Variants in GFM1 observed in about 807,000 individuals in gnomAD.
GFM1 encodes the protein elongation factor G, mitochondrial.
Under a neutral mutation model 96.2 loss-of-function variants are expected in GFM1, and 62 were observed. The ratio of observed to expected loss-of-function variants is 0.64; its 90% CI spans 0.53 to 0.80. GFM1 has a LOEUF of 0.80. Ranked by LOEUF, GFM1 falls within the 30% of genes least tolerant of loss-of-function variation. GFM1 has a pLI of 0.00. For missense variants in GFM1, 852 were observed against 916.6 expected, an observed-to-expected ratio of 0.93 and a Z score of 0.91; for synonymous variants, 282 against 312.9, an observed-to-expected ratio of 0.90 and a Z score of 1.04.
chr3:158,688,083 TGGA>T (rs1365940742), intron 15 of GFM1, among the ~76,000 whole-genome samples: 5 of 152,008 alleles, frequency 3.3e-5, no homozygotes, highest in African/African-American at 1.2e-4. Flanking sequence ...TTGTCAAAAT[TGGA>T]AGAACAATAG....
At chr3:158,660,059 T>A (rs1723074595) in intron 9 of GFM1, among the ~76,000 whole-genome samples, 1 of 152,168 alleles carries the variant, frequency 6.6e-6, no homozygotes, top group Admixed American at 6.5e-5. Flanking sequence ...TTAGATTTCC[T>A]GTGTTTTCTT....
At chr3:158,662,719 T>C in intron 11 of GFM1, 35 bp downstream of exon 11, 5 of 1,303,180 alleles carry the variant, frequency 3.8e-6, no homozygotes, top group Non-Finnish European at 5.6e-6. Context: ...TATATCACAA[T>C]TAAAACTTGA....
rs1415889192 is a variant in GFM1, at chr3:158,684,854, G to A, written c.1909+186G>A. On this transcript the variant is annotated intron_variant, in intron 15 of 17. Transcript: ENST00000486715. ...ATTATTATGTTCTCTTTCTTGCAAA[G>A]CTAAAAGACTACTGTATTCTCCTAC... 9.9e-6 allele frequency: 6 copies of A among 603,468 alleles called. No homozygotes were observed. In the East Asian group the frequency reaches 1.7e-4, roughly 17 times the overall value. 37.4% of individuals were successfully genotyped at this position (603,468 alleles called of 1,614,324 possible).
intron 17 of GFM1, 48 bp downstream of exon 17, chr3:158,691,240 T>TC (rs1191562720): frequency 6.2e-7 from 1 of 1,603,642 alleles, no homozygotes; most frequent in Non-Finnish European, 8.5e-7. Flanking sequence ...TACAGAATGA[T>TC]CATATTATAA....
intron 8 of GFM1, chr3:158,656,769 G>A (rs1172299939): frequency 6.6e-6 from 1 of 152,216 alleles, no homozygotes; most frequent in African/African-American, 2.4e-5. Context: ...TGAACTTTGA[G>A]TTATAACTAT....
chr3:158,678,619 CCTT>C (rs755122592), intron 13 of GFM1, among the ~76,000 whole-genome samples: 27 of 152,266 alleles, frequency 1.8e-4, no homozygotes, highest in Non-Finnish European at 3.8e-4. Flanking sequence ...ATGAGGAGAT[CCTT>C]CTTCTATGGA....
At chr3:158,661,283 C>T (rs1723177073) in intron 10 of GFM1, among the ~76,000 whole-genome samples, 2 of 152,164 alleles carry the variant, frequency 1.3e-5, no homozygotes, top group African/African-American at 2.4e-5. Flanking sequence ...GGCTCTGATT[C>T]CTCCACCCTG....
chr3:158,666,635 A>T (rs767380878), intron 13 of GFM1: 1 of 1,606,822 alleles, frequency 6.2e-7, no homozygotes, highest in Non-Finnish European at 8.5e-7. Flanking sequence ...TTCCAGTGTT[A>T]GGGTTTTTGT....
intron 13 of GFM1, chr3:158,669,164 A>G (rs1214162399): frequency 6.4e-7 from 1 of 1,572,194 alleles, no homozygotes; most frequent in Admixed American, 1.8e-5. Flanking sequence ...TGATAATCAT[A>G]TATATAGTAT....
At chr3:158,673,658 C>A (rs1724596877) in intron 13 of GFM1, among the ~76,000 whole-genome samples, 1 of 151,528 alleles carries the variant, frequency 6.6e-6, no homozygotes, top group African/African-American at 2.4e-5. Context: ...ATTACAGGTG[C>A]CCACCACAAT....
chr3:158,691,439 C>T lies in GFM1; in HGVS notation c.2228C>T (p.Pro743Leu), dbSNP rs1251671711. 3.3e-5 allele frequency: 54 copies of T among 1,613,644 alleles called. No homozygotes were observed. Among genetic ancestry groups the T allele is most frequent in the Non-Finnish European group, 4.5e-5 (53 of 1,179,816 alleles). ...TATTTGGAAGCTACAGGTCAACTTC[C>T]TGTTAAAAAAGGAAAAGCCAAGAAC... The part of the protein sequence containing the change: ...NKYLEATGQL[P>L]VKKGKAKN Residue 743 changes from proline (P) to leucine (L), a missense_variant, in exon 18 of 18, where the codon CCT becomes CTT. Transcript: ENST00000486715.
intron 8 of GFM1, chr3:158,655,761 T>C (rs73028934): frequency 0.16 from 73,384 of 444,972 alleles, 6,613 homozygotes; most frequent in African/African-American, 0.23. Context: ...AATACTGATA[T>C]ATTATTATTA....
chr3:158,685,765 A>G (rs1725784733), intron 15 of GFM1, among the ~76,000 whole-genome samples: 1 of 152,248 alleles, frequency 6.6e-6, no homozygotes, highest in Non-Finnish European at 1.5e-5. Flanking sequence ...AATAGGAAAC[A>G]GGTAAGTAAA....
At position 158,691,288 on chromosome 3, in the gene GFM1, A is replaced by G. The variant is rs1056355615; in HGVS notation, c.2125-48A>G. 2.6e-5 allele frequency: 41 copies of G among 1,598,832 alleles called. No individual in the cohort carries two copies. In the East Asian group the frequency reaches 9.2e-4, roughly 36 times the overall value. ...GTATGACTTTTACTTGATAGTTTAAAAAACAAACAAACAAACAAAAAACCC... is the reference window on the plus strand; with the variant it reads ...GTATGACTTTTACTTGATAGTTTAAGAAACAAACAAACAAACAAAAAACCC... On this transcript the variant is annotated intron_variant, in intron 17 of 17. Transcript: ENST00000486715.
rs764933537 is a variant in GFM1 at position 158,691,376 on chromosome 3, C to T, written c.2165C>T (p.Pro722Leu). Residue 722 changes from proline (P) to leucine (L), a missense_variant, in exon 18 of 18, where the codon CCA becomes CTA. By Grantham distance (98) the Pro-to-Leu change is moderately conservative. Transcript: ENST00000486715. ...EYTMEYSRYQ[P>L]CLPSTQEDVI... ...ACAATGGAGTATAGCAGGTATCAGCCATGTTTACCATCCACACAAGAAGAC... is the reference window on the plus strand; with the variant it reads ...ACAATGGAGTATAGCAGGTATCAGCTATGTTTACCATCCACACAAGAAGAC... 41 of 1,613,474 alleles carry T rather than the reference C, an allele frequency of 2.5e-5. No homozygotes were observed. The highest frequency in any genetic ancestry group is 3.2e-5 in the Non-Finnish European group (38 of 1,179,710).
In GFM1 at chr3:158,691,657, A is replaced by G. The variant is rs564624294; in HGVS notation, c.*190A>G. Reference sequence around the variant, plus strand: ...TTCTGTTATATTCAAAGGTAATTCTATGTCTATCTCAACTCTATTGATTGG... The same window carrying G: ...TTCTGTTATATTCAAAGGTAATTCTGTGTCTATCTCAACTCTATTGATTGG... On this transcript the variant is annotated 3_prime_UTR_variant, in exon 18 of 18. Coordinates refer to ENST00000486715, the MANE Select transcript of GFM1 (RefSeq NM_024996.7). 1.1e-5 allele frequency: 6 copies of G among 551,932 alleles called. No homozygotes were observed. Among genetic ancestry groups the G allele is most frequent in the South Asian group, 4.0e-5 (2 of 50,160 alleles). The allele number at this position is 551,932 out of a possible 1,614,324, so 34.2% of individuals were successfully genotyped here.
intron 13 of GFM1, chr3:158,666,599 A>G (rs1339302937): frequency 3.3e-6 from 5 of 1,522,248 alleles, no homozygotes; most frequent in Admixed American, 1.7e-5. Context: ...TGAAATTGGC[A>G]TACACATCAA....
intron 13 of GFM1, among the ~76,000 whole-genome samples, chr3:158,675,888 GAATT>G (rs374429157): frequency 2.4e-3 from 368 of 152,276 alleles, no homozygotes; most frequent in African/African-American, 8.6e-3. Flanking sequence ...AAATGATTAT[GAATT>G]AACACAATGT....
chr3:158,649,337 A>T (rs528175590), intron 5 of GFM1, 180 bp downstream of exon 5: 16 of 486,396 alleles, frequency 3.3e-5, no homozygotes, highest in South Asian at 3.3e-4. Flanking sequence ...TTTAGTATTT[A>T]TTCTGTGAGA....
Sources: gnomAD v4.1 joint callset for allele counts (sites outside exome capture counted in the v4.1 genomes callset) on GRCh38, gnomAD v4.1.1 for gene constraint, MANE v1.5 for transcripts, NCBI Gene and HGNC (gene_info 2026-07-23, HGNC 2026-07-21) for gene names.